SLC44A5: variants seen among roughly 807,000 people sequenced by gnomAD.
The protein encoded by SLC44A5 is solute carrier family 44 member 5, also known as choline transporter-like protein 5.
Under a neutral mutation model 101.8 loss-of-function variants are expected in SLC44A5, and 57 were observed. The ratio of observed to expected loss-of-function variants is 0.56; its 90% CI spans 0.45 to 0.70. SLC44A5 has a LOEUF of 0.70. SLC44A5 is among the 30% of genes least tolerant of loss of function. SLC44A5 has a pLI of 0.00. For missense variants in SLC44A5, 737 were observed against 853.1 expected, an observed-to-expected ratio of 0.86 and a Z score of 1.70; for synonymous variants, 281 against 290.9, an observed-to-expected ratio of 0.97 and a Z score of 0.35.
At chr1:75,516,101 C>A (rs904239097) in intron 2 of SLC44A5, among the ~76,000 whole-genome samples, 1 of 152,176 alleles carries the variant, frequency 6.6e-6, no homozygotes, top group African/African-American at 2.4e-5. Context: ...ATAAAAAATT[C>A]TTGGTTATTT....
chr1:75,617,848 G>A, the SLC44A5 span, among the ~76,000 whole-genome samples: 1 of 152,100 alleles, frequency 6.6e-6, no homozygotes, highest in East Asian at 1.9e-4. Flanking sequence ...CATTTTATGT[G>A]CTCATATTTT....
chr1:75,289,799 G>C (rs984356775), intron 5 of SLC44A5, among the ~76,000 whole-genome samples: 13 of 152,334 alleles, frequency 8.5e-5, no homozygotes, highest in Non-Finnish European at 1.6e-4. Context: ...CGAAAGAGTA[G>C]AAGATCTGAA....
At chr1:75,713,836 T>G in the SLC44A5 span, among the ~76,000 whole-genome samples, 1 of 152,212 alleles carries the variant, frequency 6.6e-6, no homozygotes. Flanking sequence ...GATCCGACAC[T>G]TTGTTGCCCA....
rs1165713015 is a variant in SLC44A5, at chr1:75,356,987, CACA to C, written c.53-17360_53-17358del. Among the ~76,000 whole-genome samples, 4 of 152,182 alleles carry C rather than the reference CACA, an allele frequency of 2.6e-5. No homozygotes were observed. In the South Asian group the frequency reaches 6.2e-4, roughly 24 times the overall value. On this transcript the variant is annotated intron_variant, in intron 3 of 23. Coordinates refer to ENST00000370859, the MANE Select transcript of SLC44A5 (RefSeq NM_001130058.2). ...GTCTACGTACATGCTATGATGTTTG[CACA>C]ACAACAAAATTGCCTAACAATGCAT...
chr1:75,424,209 G>A (rs1420237219), intron 2 of SLC44A5, among the ~76,000 whole-genome samples: 1 of 152,212 alleles, frequency 6.6e-6, no homozygotes, highest in African/African-American at 2.4e-5. Context: ...AAAGCTATAC[G>A]TTAATAGATT....
At chr1:75,627,774 T>C in the SLC44A5 span, among the ~76,000 whole-genome samples, 1 of 151,512 alleles carries the variant, frequency 6.6e-6, no homozygotes, top group East Asian at 1.9e-4. Context: ...ATAACCCAAA[T>C]CTCTTTTTTT....
chr1:75,679,638 G>A, the SLC44A5 span, among the ~76,000 whole-genome samples: 1 of 151,880 alleles, frequency 6.6e-6, no homozygotes, highest in African/African-American at 2.4e-5. Flanking sequence ...GGAACAACTG[G>A]TACCAGCCGC....
chr1:75,241,223 T>C (rs1648599476), intron 9 of SLC44A5, among the ~76,000 whole-genome samples: 2 of 152,080 alleles, frequency 1.3e-5, no homozygotes, highest in Middle Eastern at 3.4e-3. Flanking sequence ...CATTTTCTTC[T>C]TTTTCTTTTT....
chr1:75,637,189 A>T, the SLC44A5 span, among the ~76,000 whole-genome samples: 1 of 151,984 alleles, frequency 6.6e-6, no homozygotes, highest in Non-Finnish European at 1.5e-5. Flanking sequence ...AAAAACAAAA[A>T]CTCACACCAA....
intron 3 of SLC44A5, among the ~76,000 whole-genome samples, chr1:75,390,660 T>C (rs1661724158): frequency 6.6e-6 from 1 of 152,000 alleles, no homozygotes. Flanking sequence ...AATCTTCAAA[T>C]GTCTAACAAA....
At chr1:75,572,392 A>G (rs1288351624) in intron 1 of SLC44A5, among the ~76,000 whole-genome samples, 1 of 152,220 alleles carries the variant, frequency 6.6e-6, no homozygotes. Context: ...CAGATAATTC[A>G]TTGGGATTTG....
chr1:75,615,262 A>T (rs530660895), upstream of SLC44A5, among the ~76,000 whole-genome samples: 1 of 152,076 alleles, frequency 6.6e-6, no homozygotes, highest in South Asian at 2.1e-4. Flanking sequence ...CCTTGACCGC[A>T]GGGAAAAGGA....
intron 1 of SLC44A5, among the ~76,000 whole-genome samples, chr1:75,567,198 T>C (rs1196509186): frequency 6.6e-6 from 1 of 152,156 alleles, no homozygotes; most frequent in Non-Finnish European, 1.5e-5. Flanking sequence ...TCCTCAGGGA[T>C]AACTTTTTGC....
At chr1:75,389,045 A>C (rs942098384) in intron 3 of SLC44A5, among the ~76,000 whole-genome samples, 12 of 152,164 alleles carry the variant, frequency 7.9e-5, no homozygotes, top group African/African-American at 2.9e-4. Context: ...GTATGAGATA[A>C]AACAGGATTT....
intron 13 of SLC44A5, among the ~76,000 whole-genome samples, chr1:75,223,925 A>G (rs1339542340): frequency 6.6e-6 from 1 of 152,218 alleles, no homozygotes; most frequent in Non-Finnish European, 1.5e-5. Flanking sequence ...GAATGAACCT[A>G]TAAAGATAAT....
chr1:75,529,686 A>T (rs1228686299), intron 2 of SLC44A5, among the ~76,000 whole-genome samples: 2 of 152,230 alleles, frequency 1.3e-5, no homozygotes, highest in African/African-American at 4.8e-5. Flanking sequence ...ATGACTAAGC[A>T]GCTTATAAGA....
intron 18 of SLC44A5, among the ~76,000 whole-genome samples, chr1:75,216,538 A>G (rs996881350): frequency 3.9e-5 from 6 of 151,986 alleles, no homozygotes; most frequent in Non-Finnish European, 8.8e-5. Context: ...TACAGTGACT[A>G]CATCATTTGA....
intron 4 of SLC44A5, among the ~76,000 whole-genome samples, chr1:75,325,365 T>G (rs969267801): frequency 1.3e-5 from 2 of 152,120 alleles, no homozygotes; most frequent in African/African-American, 4.8e-5. Context: ...TGGATTAATT[T>G]CCCAGAAATA....
intron 4 of SLC44A5, among the ~76,000 whole-genome samples, chr1:75,319,289 T>C (rs184399812): frequency 6.6e-6 from 1 of 152,256 alleles, no homozygotes; most frequent in African/African-American, 2.4e-5. Flanking sequence ...TTACAGGAAA[T>C]AGCATTTGTT....
Sources: allele counts gnomAD v4.1 joint callset (sites outside exome capture counted in the v4.1 genomes callset), GRCh38; gene constraint gnomAD v4.1.1; transcripts MANE v1.5; gene names NCBI Gene and HGNC (gene_info 2026-07-23, HGNC 2026-07-21).